MINDY2: variants seen among roughly 807,000 people sequenced by gnomAD.
The protein encoded by MINDY2 is ubiquitin carboxyl-terminal hydrolase MINDY-2.
MINDY2 carries 52 observed loss-of-function variants against 68.2 expected under a neutral mutation model. The observed-to-expected ratio is 0.76, with a 90% CI of 0.61 to 0.96. The LOEUF is 0.96. Ranked by LOEUF, MINDY2 falls within the 40% of genes least tolerant of loss-of-function variation. MINDY2 has a pLI of 0.00. For synonymous variants in MINDY2, 372 were observed against 303.0 expected, an observed-to-expected ratio of 1.23 and a Z score of -2.36; for missense variants, 881 against 773.4, an observed-to-expected ratio of 1.14 and a Z score of -1.65.
chr15:58,831,052 T>TATATATATATATATATAC (rs2031699578), intron 5 of MINDY2, among the ~76,000 whole-genome samples: 1 of 149,622 alleles, frequency 6.7e-6, no homozygotes, highest in South Asian at 2.1e-4. Flanking sequence ...TATATATATA[T>TATATATATATATATATAC]ATATATATGT....
Position 58,771,886 on chromosome 15 carries a change from C to A in MINDY2, c.491C>A (p.Pro164Gln). 6.4e-7 allele frequency: 1 copy of A among 1,570,952 alleles called. No individual in the cohort carries two copies. ...AGGLSSSCSD[P>Q]SPPGESPSLD... ...GGCCTCAGCAGCAGTTGCAGCGACC[C>A]GAGCCCTCCTGGGGAATCTCCGAGC... The change falls in exon 1 of 9, where the codon CCG becomes CAG. Residue 164 changes from proline to glutamine, a missense_variant. Physicochemically the swap from Pro to Gln is moderately conservative, Grantham distance 76. Coordinates refer to ENST00000559228, the MANE Select transcript of MINDY2 (RefSeq NM_001040450.3).
intron 1 of MINDY2, among the ~76,000 whole-genome samples, chr15:58,774,942 G>T (rs1264210219): frequency 6.6e-6 from 1 of 151,916 alleles, no homozygotes; most frequent in Non-Finnish European, 1.5e-5. Context: ...GGTTATCAGT[G>T]TTTTTTTTCT....
At chr15:58,828,107 G>A (rs747467058) in intron 5 of MINDY2, among the ~76,000 whole-genome samples, 2 of 150,852 alleles carry the variant, frequency 1.3e-5, no homozygotes, top group Non-Finnish European at 2.9e-5. Flanking sequence ...GCAGTGAGCC[G>A]AGATAGCGCC....
At chr15:58,820,181 G>A (rs555380040) in intron 4 of MINDY2, among the ~76,000 whole-genome samples, 4 of 151,940 alleles carry the variant, frequency 2.6e-5, no homozygotes, top group South Asian at 2.1e-4. Context: ...CAGGAGAGTC[G>A]CTTGAACCCA....
intron 3 of MINDY2, among the ~76,000 whole-genome samples, chr15:58,809,783 T>A (rs1315368092): frequency 6.6e-6 from 1 of 152,222 alleles, no homozygotes; most frequent in East Asian, 1.9e-4. Flanking sequence ...TTTGTCTTGT[T>A]TTGTTTCGTT....
At chr15:58,841,860 A>C (rs1567072807) in intron 6 of MINDY2, among the ~76,000 whole-genome samples, 1 of 152,148 alleles carries the variant, frequency 6.6e-6, no homozygotes, top group Non-Finnish European at 1.5e-5. Flanking sequence ...GTTGTAAATA[A>C]ACCATTTCTG....
At chr15:58,782,759 C>G (rs1440416315) in intron 1 of MINDY2, among the ~76,000 whole-genome samples, 3 of 151,710 alleles carry the variant, frequency 2.0e-5, no homozygotes, top group African/African-American at 7.3e-5. Flanking sequence ...CACAGTACTT[C>G]TACTTACTTT....
At chr15:58,828,992 CAAT>C (rs1464268483) in intron 5 of MINDY2, among the ~76,000 whole-genome samples, 105 of 152,154 alleles carry the variant, frequency 6.9e-4, no homozygotes, top group African/African-American at 2.3e-3. Flanking sequence ...ATTACAATAA[CAAT>C]AAAATTGAGA....
chr15:58,787,141 T>A (rs929567228), intron 1 of MINDY2, among the ~76,000 whole-genome samples: 19 of 9,608 alleles, frequency 2.0e-3, no homozygotes, highest in Non-Finnish European at 2.5e-3. Context: ...ATTTCTTTAC[T>A]TTTTTTTTTT....
At chr15:58,830,659 C>A (rs1319873574) in intron 5 of MINDY2, among the ~76,000 whole-genome samples, 1 of 152,198 alleles carries the variant, frequency 6.6e-6, no homozygotes, top group South Asian at 2.1e-4. Context: ...CAGCCTTTGT[C>A]TACTGAATGC....
At chr15:58,790,070 C>T (rs957684188) in intron 2 of MINDY2, among the ~76,000 whole-genome samples, 3 of 152,302 alleles carry the variant, frequency 2.0e-5, no homozygotes, top group South Asian at 4.2e-4. Flanking sequence ...TGAGCCACTG[C>T]ACCCGGCAGG....
intron 3 of MINDY2, among the ~76,000 whole-genome samples, chr15:58,804,121 G>A (rs1902862474): frequency 6.6e-6 from 1 of 151,068 alleles, no homozygotes; most frequent in Admixed American, 6.6e-5. Context: ...AAAAAAAAAA[G>A]GAGGAGGAGG....
intron 6 of MINDY2, among the ~76,000 whole-genome samples, chr15:58,840,823 ATTTTT>A (rs35724367): frequency 1.6e-5 from 2 of 124,790 alleles, no homozygotes; most frequent in African/African-American, 3.1e-5. Flanking sequence ...TGCCCAGCTA[ATTTTT>A]TTTTTTTTTT....
chr15:58,831,909 A>G lies in MINDY2; in HGVS notation c.1361A>G (p.Lys454Arg). The G allele has an allele frequency of 6.2e-7, 1 of 1,611,704 alleles. No individual in the cohort carries two copies. Among genetic ancestry groups the G allele is most frequent in the South Asian group, 1.1e-5 (1 of 90,464 alleles). ...FRNNHFSTMT[K>R]YKGQLYLLVT... ...AATAATCATTTTAGCACCATGACCA[A>G]ATACAAGGTATGATATAGAAATAGC... Residue 454 changes from lysine to arginine, a missense_variant, in exon 6 of 9, where the codon AAA becomes AGA. By Grantham distance (26) the Lys-to-Arg change is conservative (BLOSUM62 2). Transcript: ENST00000559228.
intron 8 of MINDY2, among the ~76,000 whole-genome samples, chr15:58,852,914 C>G (rs1200569154): frequency 1.9e-5 from 2 of 103,684 alleles, no homozygotes; most frequent in African/African-American, 3.8e-5. Flanking sequence ...TGCCAGACTG[C>G]TGTTCCTGTT....
intron 6 of MINDY2, among the ~76,000 whole-genome samples, chr15:58,832,478 T>C (rs1376432426): frequency 6.6e-6 from 1 of 151,672 alleles, no homozygotes; most frequent in Admixed American, 6.6e-5. Context: ...ATCGCCCGCC[T>C]CAGCCTCCCA....
intron 2 of MINDY2, among the ~76,000 whole-genome samples, chr15:58,789,929 G>A (rs568774485): frequency 6.6e-6 from 1 of 152,152 alleles, no homozygotes; most frequent in East Asian, 1.9e-4. Context: ...TTGCAGGCGT[G>A]AGCCACCGTG....
chr15:58,843,986 G>T (rs1307010966), intron 6 of MINDY2, among the ~76,000 whole-genome samples: 2 of 149,060 alleles, frequency 1.3e-5, no homozygotes, highest in African/African-American at 5.0e-5. Flanking sequence ...ACACAATTAA[G>T]AATTTAATGC....
chr15:58,780,157 C>A (rs1161365771), intron 1 of MINDY2, among the ~76,000 whole-genome samples: 2 of 152,102 alleles, frequency 1.3e-5, no homozygotes, highest in Admixed American at 1.3e-4. Flanking sequence ...GTAATCCCAG[C>A]ACTTTGTGAG....
Sources: allele counts gnomAD v4.1 joint callset (sites outside exome capture counted in the v4.1 genomes callset), GRCh38; gene constraint gnomAD v4.1.1; transcripts MANE v1.5; gene names NCBI Gene and HGNC (gene_info 2026-07-23, HGNC 2026-07-21).